Variants in ROBO2 observed in about 807,000 individuals in gnomAD.
The protein encoded by ROBO2 is roundabout homolog 2.
ROBO2 carries 53 observed loss-of-function variants against 160.8 expected under a neutral mutation model. The ratio of observed to expected loss-of-function variants is 0.33; its 90% CI spans 0.26 to 0.41. ROBO2 has a LOEUF of 0.41. Among genes scored for constraint, ROBO2 ranks in the 10% least tolerant of loss-of-function variants. The pLI, the probability that ROBO2 is intolerant of heterozygous loss-of-function variation, is 1.00. For synonymous variants in ROBO2, 664 were observed against 611.7 expected (o/e 1.09, Z -1.26); for missense variants, 1,577 against 1,722.4 (o/e 0.92, Z 1.49).
At chr3:76,414,309 A>C (rs1703844162) in intron 2 of ROBO2, among the ~76,000 whole-genome samples, 1 of 152,282 alleles carries the variant, frequency 6.6e-6, no homozygotes, top group South Asian at 2.1e-4. Flanking sequence ...GTATTATAAA[A>C]TTAACACTCA....
chr3:76,219,696 T>C lies in ROBO2; in HGVS notation c.109+282094T>C, dbSNP rs562313703. On this transcript the variant is annotated intron_variant, in intron 2 of 26. Transcript: ENST00000487694. ...GAAACAACAGGTGATGGAGAGGATGTGGAGAAATAGGAACACTTTTACACT... is the reference window on the plus strand; with the variant it reads ...GAAACAACAGGTGATGGAGAGGATGCGGAGAAATAGGAACACTTTTACACT... 3.5e-3 allele frequency among the ~76,000 whole-genome samples: 527 copies of C among 152,240 alleles called. 4 individuals carry two copies. Among genetic ancestry groups the C allele is most frequent in the African/African-American group, 0.012 (499 of 41,554 alleles).
intron 2 of ROBO2, among the ~76,000 whole-genome samples, chr3:77,385,065 T>C (rs1449692209): frequency 6.6e-6 from 1 of 152,248 alleles, no homozygotes; most frequent in African/African-American, 2.4e-5. Context: ...GGAGTCTCTC[T>C]GTTGCCCAGG....
chr3:76,403,134 C>T (rs2077937255), intron 2 of ROBO2, among the ~76,000 whole-genome samples: 1 of 151,448 alleles, frequency 6.6e-6, no homozygotes. Context: ...TGGCATAAAC[C>T]TCTGTGGGGG....
chr3:77,265,305 A>C (rs2059053215), intron 2 of ROBO2, among the ~76,000 whole-genome samples: 1 of 152,138 alleles, frequency 6.6e-6, no homozygotes, highest in Non-Finnish European at 1.5e-5. Context: ...CTGCCAATCC[A>C]CCCTTCTTTT....
At chr3:76,643,192 A>T (rs1388462491) in intron 2 of ROBO2, among the ~76,000 whole-genome samples, 2 of 152,176 alleles carry the variant, frequency 1.3e-5, no homozygotes, top group Non-Finnish European at 2.9e-5. Flanking sequence ...GAAATAACTT[A>T]GTAAAAAAAT....
rs978218619 is a variant in ROBO2 at position 76,714,109 on chromosome 3, T to C, written c.110-383905T>C. ...TACCTGTAGGTTTATTTTTGTTTTG[T>C]TTGATAGTATGAAACAATGGTCTTG... On this transcript the variant is annotated intron_variant, in intron 2 of 26. Transcript: ENST00000487694. 2.6e-5 allele frequency among the ~76,000 whole-genome samples: 4 copies of C among 152,156 alleles called. No homozygotes were observed. The South Asian group carries it at 8.3e-4, about 32-fold the overall frequency.
intron 1 of ROBO2, among the ~76,000 whole-genome samples, chr3:75,914,592 A>C (rs1489373079): frequency 1.3e-5 from 2 of 152,244 alleles, no homozygotes; most frequent in Admixed American, 6.5e-5. Context: ...ATGAACATCA[A>C]ATTAACAAGA....
intron 2 of ROBO2, among the ~76,000 whole-genome samples, chr3:76,216,384 G>A (rs1232309795): frequency 6.6e-6 from 1 of 152,120 alleles, no homozygotes; most frequent in African/African-American, 2.4e-5. Context: ...AAAGAGTCAA[G>A]ACCCATCAGT....
intron 2 of ROBO2, among the ~76,000 whole-genome samples, chr3:76,323,845 A>C (rs112404901): frequency 0.29 from 43,926 of 152,080 alleles, 6,844 homozygotes; most frequent in Non-Finnish European, 0.36. Context: ...GTCAATCTAA[A>C]ATGGATACCA....
At chr3:77,225,583 A>G (rs892706935) in intron 2 of ROBO2, among the ~76,000 whole-genome samples, 4 of 151,982 alleles carry the variant, frequency 2.6e-5, no homozygotes, top group Admixed American at 2.0e-4. Context: ...TCCATAATAA[A>G]TTAAATAAGC....
intron 2 of ROBO2, among the ~76,000 whole-genome samples, chr3:77,359,111 T>A (rs1581321085): frequency 6.6e-6 from 1 of 152,212 alleles, no homozygotes; most frequent in Non-Finnish European, 1.5e-5. Context: ...AATGCATGAG[T>A]ATCTAAATAG....
intron 2 of ROBO2, among the ~76,000 whole-genome samples, chr3:76,177,298 C>A (rs913741880): frequency 6.6e-6 from 1 of 152,044 alleles, no homozygotes; most frequent in Non-Finnish European, 1.5e-5. Context: ...GTAGTTTATT[C>A]ATCTGGATAA....
intron 8 of ROBO2, among the ~76,000 whole-genome samples, chr3:77,556,487 A>G (rs1582920912): frequency 6.6e-6 from 1 of 151,874 alleles, no homozygotes; most frequent in Non-Finnish European, 1.5e-5. Flanking sequence ...CATAAATTCT[A>G]GCTTCAATTA....
At chr3:76,080,488 C>T (rs1161456783) in intron 2 of ROBO2, among the ~76,000 whole-genome samples, 3 of 152,132 alleles carry the variant, frequency 2.0e-5, no homozygotes, top group Admixed American at 6.5e-5. Flanking sequence ...CATTCTTTTT[C>T]GTTTCTGCAA....
intron 1 of ROBO2, among the ~76,000 whole-genome samples, chr3:77,095,989 T>C (rs1225016541): frequency 6.6e-6 from 1 of 152,182 alleles, no homozygotes; most frequent in East Asian, 1.9e-4. Context: ...TTGTAATGTA[T>C]ACATTCTTTT....
intron 2 of ROBO2, among the ~76,000 whole-genome samples, chr3:76,825,926 T>C (rs1200647109): frequency 6.6e-6 from 1 of 152,018 alleles, no homozygotes. Context: ...TTAATATTCA[T>C]ATGTGGTATC....
intron 2 of ROBO2, among the ~76,000 whole-genome samples, chr3:77,123,955 G>T (rs993112912): frequency 1.3e-5 from 2 of 148,674 alleles, no homozygotes; most frequent in Admixed American, 6.7e-5. Flanking sequence ...TATATAGATA[G>T]ATATGTAGAT....
chr3:76,574,805 G>A (rs890717889), intron 2 of ROBO2, among the ~76,000 whole-genome samples: 1 of 152,052 alleles, frequency 6.6e-6, no homozygotes, highest in Non-Finnish European at 1.5e-5. Context: ...TCTCTAGACT[G>A]AGCCTAAGAT....
At chr3:76,141,159 C>CTCTATATATA (rs1364431015) in intron 2 of ROBO2, among the ~76,000 whole-genome samples, 7 of 9,170 alleles carry the variant, frequency 7.6e-4, no homozygotes, top group Admixed American at 2.2e-3. Flanking sequence ...CTCTCTCTCT[C>CTCTATATATA]TATATATATA....
Sources: allele counts gnomAD v4.1 joint callset (sites outside exome capture counted in the v4.1 genomes callset), GRCh38; gene constraint gnomAD v4.1.1; transcripts MANE v1.5; gene names NCBI Gene and HGNC (gene_info 2026-07-23, HGNC 2026-07-21).